MORN1: variants seen among roughly 807,000 people sequenced by gnomAD.
The protein encoded by MORN1 is MORN repeat-containing protein 1.
MORN1 carries 67 observed loss-of-function variants against 61.9 expected under a neutral mutation model. That is an observed-to-expected ratio of 1.08 (90% CI 0.89 to 1.33). The LOEUF (loss-of-function observed/expected upper bound fraction) is 1.33. Among genes scored for constraint, MORN1 ranks in the 40% most tolerant of loss-of-function variants. The probability of loss-of-function intolerance (pLI) is 0.00; values close to 1 mark genes in which losing one functional copy is unlikely to be tolerated. For synonymous variants in MORN1, 301 were observed against 292.0 expected (o/e 1.03, Z -0.31); for missense variants, 752 against 691.2 (o/e 1.09, Z -0.99).
rs1038938978 is a variant in MORN1 at position 2,357,325 on chromosome 1, G to A, written c.1036+107C>T. On this transcript the variant is annotated intron_variant, in intron 10 of 13. Coordinates refer to ENST00000378531, the MANE Select transcript of MORN1 (RefSeq NM_024848.3). The surrounding 1 kb of genome is among the most constrained non-coding windows in gnomAD (Gnocchi z 6.3). The stretch of plus-strand genomic sequence containing the variant: ...ACGCGTGATGACTGACCCTGGGTGC[G>A]GCTTGCTCCTGCTCTGGCCTGGTTC... 4.7e-6 allele frequency: 6 copies of A among 1,269,236 alleles called. No individual in the cohort carries two copies. The highest frequency in any genetic ancestry group is 3.0e-5 in the African/African-American group (2 of 66,554). The allele number at this position is 1,269,236 out of a possible 1,614,324, so 78.6% of individuals were successfully genotyped here. A position where few individuals can be genotyped will look rare whatever the true frequency, so the allele number is the denominator to read the frequency against.
rs202070516 is a variant in MORN1, at chr1:2,361,585, G to GA, written c.746-2871dup. On this transcript the variant is annotated intron_variant, in intron 8 of 13. Transcript: ENST00000378531. The stretch of plus-strand genomic sequence containing the variant: ...AATTAACAAATAAATAAATAAATAA[G>GA]AAAAAAGAACAAAGTCAAACTTCTG... Among the ~76,000 whole-genome samples, 204 of 151,918 alleles carry GA rather than the reference G, an allele frequency of 1.3e-3. 4 individuals are homozygous for GA. In the East Asian group the frequency reaches 0.02, roughly 15 times the overall value.
At position 2,342,890 on chromosome 1, in the gene MORN1, TA is replaced by T. The variant is rs1641433123; in HGVS notation, c.1037-6041del. Among the ~76,000 whole-genome samples, 4 of 146,428 alleles carry T rather than the reference TA, an allele frequency of 2.7e-5. No individual in the cohort carries two copies. In the Admixed American group the frequency reaches 2.7e-4, roughly 10 times the overall value. On this transcript the variant is annotated intron_variant, in intron 10 of 13. Transcript: ENST00000378531. The stretch of plus-strand genomic sequence containing the variant: ...TTATTTATTTTATTTTATTTTATTT[TA>T]TTTTATTTTATTTTATTTTATTTTA...
rs1338420277 is a variant in MORN1 at position 2,321,416 on chromosome 1, G to A, written c.1461C>T (p.His487=). ...GCGCTGGCGGCTCTGGGGTGCAGCT[G>A]TGGGCGGCCTGCCAGCTGCTTGAGG... The part of the protein sequence containing the change: ...PEASSSWQAA[H]SCTPEPPAPR The change falls in exon 14 of 14, where the codon CAC becomes CAT. Residue 487 remains histidine (H), a synonymous_variant. Coordinates refer to ENST00000378531, the MANE Select transcript of MORN1 (RefSeq NM_024848.3). The A allele has an allele frequency of 7.8e-6, 12 of 1,539,840 alleles. No homozygotes were observed. In the African/African-American group the frequency reaches 9.7e-5, roughly 12 times the overall value.
chr1:2,355,609 G>A (rs760273776), intron 10 of MORN1: 44 of 814,378 alleles, frequency 5.4e-5, no homozygotes, highest in Non-Finnish European at 7.9e-5. Flanking sequence ...TTCCGCTGCC[G>A]CTTTCTCCCA....
rs1052985856 is a variant in MORN1, at chr1:2,379,629, G to A, written c.538-5072C>T. Among the ~76,000 whole-genome samples the A allele has an allele frequency of 8.3e-4, 127 of 152,322 alleles. 1 individual carries two copies. Among genetic ancestry groups the A allele is most frequent in the Non-Finnish European group, 7.8e-4 (53 of 68,018 alleles). Reference sequence around the variant, plus strand: ...AAGAAGCGTCAAAGAGGGGGAGACCGGGTGCGCAGTGGTGGCCACGGCTGA... The same window carrying A: ...AAGAAGCGTCAAAGAGGGGGAGACCAGGTGCGCAGTGGTGGCCACGGCTGA... On this transcript the variant is annotated intron_variant, in intron 6 of 13. Coordinates refer to ENST00000378531, the MANE Select transcript of MORN1 (RefSeq NM_024848.3).
chr1:2,339,616 C>T (rs1425164785), intron 10 of MORN1, among the ~76,000 whole-genome samples: 3 of 152,214 alleles, frequency 2.0e-5, no homozygotes, highest in African/African-American at 7.2e-5. Flanking sequence ...CCCAAGGCTC[C>T]CCACTGCCCT....
At position 2,355,013 on chromosome 1, in the gene MORN1, C is replaced by T. The variant is rs559379368; in HGVS notation, c.1036+2419G>A. 1.5e-4 allele frequency among the ~76,000 whole-genome samples: 23 copies of T among 152,314 alleles called. No individual in the cohort carries two copies. In the East Asian group the frequency reaches 3.7e-3, roughly 24 times the overall value. ...TCGTCAAGCCAGAAACAGCCTGAGC[C>T]GGGCTGAGAGTCGGGGGAGGCCCCC... is the stretch of plus-strand genomic sequence containing the variant. On this transcript the variant is annotated intron_variant, in intron 10 of 13. Coordinates refer to ENST00000378531, the MANE Select transcript of MORN1 (RefSeq NM_024848.3).
At chr1:2,324,171 G>A in intron 12 of MORN1, 28 bp from the exon 13 acceptor site, 1 of 1,584,528 alleles carries the variant, frequency 6.3e-7, no homozygotes, top group Non-Finnish European at 8.6e-7. Flanking sequence ...TGAGGCCCCT[G>A]AATGCCCTGC....
rs777516544 is a variant in MORN1, at chr1:2,321,515, C to T, written c.1362G>A (p.Pro454=). The T allele has an allele frequency of 1.4e-5, 21 of 1,533,434 alleles. No individual in the cohort carries two copies. The highest frequency in any genetic ancestry group is 9.8e-5 in the South Asian group (8 of 81,956). The allele number at this position is 1,533,434 out of a possible 1,614,324, so 95.0% of individuals were successfully genotyped here. The change falls in exon 14 of 14, where the codon CCG becomes CCA. Residue 454 remains proline (P), a synonymous_variant. Transcript: ENST00000378531. ...TPPFLGRRLP[P]AFKHLRVVAK... ...CTACGACCCGCAGGTGTTTGAAGGC[C>T]GGGGGCAGCCTGCGCCCCAGGAACG...
chr1:2,390,958 C>G (rs1642641794), intron 1 of MORN1, among the ~76,000 whole-genome samples: 1 of 152,196 alleles, frequency 6.6e-6, no homozygotes, highest in Non-Finnish European at 1.5e-5. Flanking sequence ...GTTGGCCACA[C>G]TGGTCTCGAA....
intron 12 of MORN1, among the ~76,000 whole-genome samples, chr1:2,326,950 C>T (rs984312933): frequency 5.9e-5 from 9 of 152,206 alleles, no homozygotes; most frequent in African/African-American, 2.2e-4. Context: ...AGGCCTGTGT[C>T]GTCCCCACAG....
Position 2,372,185 on chromosome 1 carries a change from C to T in MORN1, c.745+296G>A, listed in dbSNP as rs1191875886. 4 of 329,044 alleles carry T rather than the reference C, an allele frequency of 1.2e-5. No homozygotes were observed. Among genetic ancestry groups the T allele is most frequent in the Non-Finnish European group, 1.7e-5 (3 of 173,696 alleles). 20.4% of individuals were successfully genotyped at this position (329,044 alleles called of 1,614,324 possible). A position where few individuals can be genotyped will look rare whatever the true frequency, so the allele number is the denominator to read the frequency against. On this transcript the variant is annotated intron_variant, in intron 8 of 13. Transcript: ENST00000378531. This position sits in a 1 kb window ranked among gnomAD's most constrained non-coding sequence, Gnocchi z 5.4. Reference sequence around the variant, plus strand: ...ACACGTGCACGCGTGCCCCCCCACACGTATACACATTCAGACCTGTGCACA... The same window carrying T: ...ACACGTGCACGCGTGCCCCCCCACATGTATACACATTCAGACCTGTGCACA...
chr1:2,379,075 G>C, intron 6 of MORN1: 1 of 471,150 alleles, frequency 2.1e-6, no homozygotes, highest in South Asian at 1.5e-5. Flanking sequence ...AATACTGGCT[G>C]CAAGGCAGGA....
At chr1:2,388,977 T>C (rs1195655921) in intron 2 of MORN1, among the ~76,000 whole-genome samples, 1 of 151,172 alleles carries the variant, frequency 6.6e-6, no homozygotes, top group East Asian at 1.9e-4. Flanking sequence ...CTGGGCGTGG[T>C]GGCAGGTGCC....
At chr1:2,374,433 G>A (rs748456267) in intron 7 of MORN1, 28 bp downstream of exon 7, 1 of 1,544,036 alleles carries the variant, frequency 6.5e-7, no homozygotes, top group Non-Finnish European at 8.8e-7. Flanking sequence ...GGACCTCACA[G>A]TGCCCACAGG....
chr1:2,389,056 G>A (rs540061858), intron 2 of MORN1, among the ~76,000 whole-genome samples: 1 of 149,934 alleles, frequency 6.7e-6, no homozygotes, highest in South Asian at 2.1e-4. Context: ...AGGTTGCAGT[G>A]AGCCGAGATG....
At chr1:2,339,969 C>T (rs769317581) in intron 10 of MORN1, among the ~76,000 whole-genome samples, 28 of 152,268 alleles carry the variant, frequency 1.8e-4, no homozygotes, top group Non-Finnish European at 3.7e-4. Flanking sequence ...CAGACACAGG[C>T]GCCTCCGCCG....
intron 13 of MORN1, chr1:2,323,372 C>T: frequency 2.0e-6 from 2 of 985,448 alleles, no homozygotes; most frequent in Non-Finnish European, 2.4e-6. Flanking sequence ...GCCTTTGGCT[C>T]TCCAGCCAGA....
intron 10 of MORN1, 133 bp from the exon 11 acceptor site, chr1:2,336,983 TGGGGGCAGGTCA>T (rs971511944): frequency 5.6e-6 from 6 of 1,077,514 alleles, no homozygotes; most frequent in African/African-American, 4.9e-5. Flanking sequence ...GCCATCTTGG[TGGGGGCAGGTCA>T]GGGGGCAGGG....
Sources: allele counts gnomAD v4.1 joint callset (sites outside exome capture counted in the v4.1 genomes callset), GRCh38; gene constraint gnomAD v4.1.1; non-coding constraint Gnocchi (gnomAD v3.1); transcripts MANE v1.5; gene names NCBI Gene and HGNC (gene_info 2026-07-23, HGNC 2026-07-21).